Variants in ARHGAP26 observed in about 807,000 individuals in gnomAD.
The protein encoded by ARHGAP26 is rho GTPase-activating protein 26.
In ARHGAP26, 38 loss-of-function variants were observed where a neutral mutation model predicts 104.8. That is an observed-to-expected ratio of 0.36 (90% CI 0.28 to 0.48). ARHGAP26 has a LOEUF of 0.48. Among genes scored for constraint, ARHGAP26 ranks in the 20% least tolerant of loss-of-function variants. ARHGAP26 has a pLI of 0.99. For missense variants in ARHGAP26, 704 were observed against 947.9 expected (o/e 0.74, Z 3.38); for synonymous variants, 341 against 340.0 (o/e 1.00, Z -0.03).
intron 18 of ARHGAP26, among the ~76,000 whole-genome samples, chr5:143,124,861 TAGTTCCC>T: frequency 6.6e-6 from 1 of 152,340 alleles, no homozygotes; most frequent in Middle Eastern, 3.4e-3. Flanking sequence ...AGTTTGCATT[TAGTTCCC>T]TTTAGGAATG....
intron 10 of ARHGAP26, among the ~76,000 whole-genome samples, chr5:142,927,809 A>G (rs1764137518): frequency 6.6e-6 from 1 of 152,256 alleles, no homozygotes; most frequent in East Asian, 1.9e-4. Flanking sequence ...GTTACTCTAC[A>G]TTTTTTGCCA....
At chr5:143,213,946 C>T in intron 21 of ARHGAP26, 51 bp from the exon 22 acceptor site, 2 of 1,182,592 alleles carry the variant, frequency 1.7e-6, no homozygotes, top group Non-Finnish European at 2.5e-6. Flanking sequence ...ATGTCTGGGG[C>T]TTTCTAAGGG....
At chr5:142,896,929 A>G (rs990033870) in intron 6 of ARHGAP26, among the ~76,000 whole-genome samples, 4 of 152,212 alleles carry the variant, frequency 2.6e-5, no homozygotes, top group Non-Finnish European at 1.5e-5. Flanking sequence ...AACCAAATAA[A>G]AACTTAGCAA....
At chr5:142,806,473 ATGTGTGTG>A (rs34179083) in intron 1 of ARHGAP26, among the ~76,000 whole-genome samples, 12,087 of 147,726 alleles carry the variant, frequency 0.082, 944 homozygotes, top group African/African-American at 0.21. Flanking sequence ...AGGCAATGAA[ATGTGTGTG>A]TGTGTGTGTG....
intron 2 of ARHGAP26, among the ~76,000 whole-genome samples, chr5:142,874,503 C>G (rs1018668125): frequency 2.0e-5 from 3 of 152,134 alleles, no homozygotes; most frequent in Non-Finnish European, 4.4e-5. Flanking sequence ...CAACATGGCT[C>G]AAGGGTCTCG....
chr5:142,890,913 A>T (rs188593531), intron 5 of ARHGAP26, among the ~76,000 whole-genome samples: 1 of 152,316 alleles, frequency 6.6e-6, no homozygotes, highest in Admixed American at 6.5e-5. Flanking sequence ...CAGCTCTCTG[A>T]TGTGGGAGTC....
At chr5:143,007,002 G>T (rs1181019403) in intron 11 of ARHGAP26, among the ~76,000 whole-genome samples, 1 of 151,966 alleles carries the variant, frequency 6.6e-6, no homozygotes, top group Non-Finnish European at 1.5e-5. Context: ...GGCCGAGGCG[G>T]GTGGATTGCC....
intron 1 of ARHGAP26, among the ~76,000 whole-genome samples, chr5:142,834,704 G>A (rs1769205839): frequency 6.6e-6 from 1 of 152,150 alleles, no homozygotes; most frequent in Non-Finnish European, 1.5e-5. Context: ...GGAAGCTCCG[G>A]GCCTCTTGAG....
chr5:143,139,829 T>C (rs1457597612), intron 19 of ARHGAP26, among the ~76,000 whole-genome samples: 1 of 152,136 alleles, frequency 6.6e-6, no homozygotes, highest in Non-Finnish European at 1.5e-5. Context: ...TACTGGTACA[T>C]CTAGGTGAAA....
At chr5:142,987,072 A>T (rs965294433) in intron 11 of ARHGAP26, among the ~76,000 whole-genome samples, 4 of 152,198 alleles carry the variant, frequency 2.6e-5, no homozygotes, top group African/African-American at 9.7e-5. Context: ...TTGAATCTGT[A>T]AATTACCTTG....
chr5:142,811,018 CACACTAAAGTGA>C (rs1012740398), intron 1 of ARHGAP26, among the ~76,000 whole-genome samples: 1 of 152,234 alleles, frequency 6.6e-6, no homozygotes, highest in African/African-American at 2.4e-5. Context: ...CTCCCTCTCC[CACACTAAAGTGA>C]ATTGTGGGGC....
At chr5:143,134,965 G>A (rs150655136) in intron 19 of ARHGAP26, among the ~76,000 whole-genome samples, 1 of 152,252 alleles carries the variant, frequency 6.6e-6, no homozygotes, top group East Asian at 1.9e-4. Flanking sequence ...ACCAAGGATG[G>A]TTCATTCATG....
chr5:142,864,921 C>T (rs1196930656), intron 1 of ARHGAP26, among the ~76,000 whole-genome samples: 2 of 152,238 alleles, frequency 1.3e-5, no homozygotes, highest in Non-Finnish European at 2.9e-5. Context: ...CTCTGAATTA[C>T]CTTCCCCTTG....
At chr5:143,093,979 G>A (rs887541596) in intron 17 of ARHGAP26, among the ~76,000 whole-genome samples, 1 of 152,114 alleles carries the variant, frequency 6.6e-6, no homozygotes, top group South Asian at 2.1e-4. Flanking sequence ...TCTTGTTGAA[G>A]TTCAACGCCC....
chr5:143,157,433 C>T (rs910884280), intron 20 of ARHGAP26, among the ~76,000 whole-genome samples: 2 of 152,316 alleles, frequency 1.3e-5, no homozygotes, highest in South Asian at 2.1e-4. Flanking sequence ...CTGCCTCAGC[C>T]TCCCAAAATG....
chr5:143,056,173 C>T (rs1392765916), intron 16 of ARHGAP26, 87 bp downstream of exon 16: 2 of 1,111,216 alleles, frequency 1.8e-6, no homozygotes, highest in East Asian at 4.7e-5. Flanking sequence ...TAAATATTAC[C>T]TAACCCTTCG....
intron 17 of ARHGAP26, among the ~76,000 whole-genome samples, chr5:143,114,699 T>G (rs1007060864): frequency 1.3e-5 from 2 of 152,184 alleles, no homozygotes; most frequent in Non-Finnish European, 2.9e-5. Context: ...AGCACCTGCC[T>G]GTGTTCTGCA....
At chr5:142,794,030 C>T (rs1760437323) in intron 1 of ARHGAP26, among the ~76,000 whole-genome samples, 1 of 152,202 alleles carries the variant, frequency 6.6e-6, no homozygotes, top group Admixed American at 6.5e-5. Flanking sequence ...CTCTGGAAAG[C>T]CCAGTGATGT....
At chr5:143,191,220 A>T (rs1158758144) in intron 20 of ARHGAP26, among the ~76,000 whole-genome samples, 1 of 152,262 alleles carries the variant, frequency 6.6e-6, no homozygotes, top group African/African-American at 2.4e-5. Context: ...CTCTCCCAGG[A>T]GTACAAAGCA....
Sources: gnomAD v4.1 joint callset for allele counts (sites outside exome capture counted in the v4.1 genomes callset) on GRCh38, gnomAD v4.1.1 for gene constraint, MANE v1.5 for transcripts, NCBI Gene and HGNC (gene_info 2026-07-23, HGNC 2026-07-21) for gene names.